Variants in DIAPH2 observed in about 807,000 individuals in gnomAD.
DIAPH2 encodes protein diaphanous homolog 2.
Under a neutral mutation model 92.7 loss-of-function variants are expected in DIAPH2, and 35 were observed. That is an observed-to-expected ratio of 0.38 (90% CI 0.29 to 0.50). DIAPH2 has a LOEUF of 0.50. Ranked by LOEUF, DIAPH2 falls within the 20% of genes least tolerant of loss-of-function variation. The pLI is 0.94. For synonymous variants in DIAPH2, 301 were observed against 280.4 expected (o/e 1.07, Z -0.73); for missense variants, 701 against 819.5 (o/e 0.86, Z 1.77).
chrX:97,355,521 A>G (rs2069257600), intron 24 of DIAPH2, among the ~76,000 whole-genome samples: 1 of 111,465 alleles, frequency 9.0e-6, no homozygotes, highest in Non-Finnish European at 1.9e-5. Flanking sequence ...CTAGAATTTC[A>G]TCATCCAGAA....
chrX:96,712,831 A>G (rs940474951), intron 1 of DIAPH2, among the ~76,000 whole-genome samples: 18 of 110,998 alleles, frequency 1.6e-4, no homozygotes, highest in African/African-American at 5.2e-4. Context: ...AGTTCTATTT[A>G]TTTTTTTCCA....
intron 19 of DIAPH2, among the ~76,000 whole-genome samples, chrX:97,088,592 T>A (rs1164306803): frequency 8.9e-6 from 1 of 111,941 alleles, no homozygotes; most frequent in African/African-American, 3.2e-5. Context: ...TCTACAAGGC[T>A]ATATTGAATG....
At chrX:97,095,098 C>CTTTTTTTTTTTTTTTTTTTTTT (rs61350837) in intron 19 of DIAPH2, among the ~76,000 whole-genome samples, 2 of 22,406 alleles carry the variant, frequency 8.9e-5, no homozygotes, top group Non-Finnish European at 9.0e-5. Context: ...GTTTCTTTTT[C>CTTTTTTTTTTTTTTTTTTTTTT]TTTTTTTTTT....
chrX:97,380,307 T>C (rs1327750377), intron 24 of DIAPH2, among the ~76,000 whole-genome samples: 2 of 111,697 alleles, frequency 1.8e-5, no homozygotes, highest in East Asian at 5.6e-4. Flanking sequence ...AACACTGTCC[T>C]GTACAATGAC....
intron 10 of DIAPH2, among the ~76,000 whole-genome samples, chrX:96,935,889 G>A (rs1282847396): frequency 8.9e-6 from 1 of 111,769 alleles, no homozygotes; most frequent in African/African-American, 3.2e-5. Context: ...GTGGTGACAA[G>A]AATAAGACAT....
In DIAPH2 at chrX:97,570,122, AT is replaced by A. The variant is rs1569426249; in HGVS notation, c.3242-29129del. Among the ~76,000 whole-genome samples, 177 of 21,248 alleles carry A rather than the reference AT, an allele frequency of 8.3e-3. 5 individuals are homozygous for A. The highest frequency in any genetic ancestry group is 8.4e-3 in the Non-Finnish European group (95 of 11,366). The allele number at this position is 21,248 out of a possible 115,157, so 18.5% of individuals were successfully genotyped here. ...TATATATATATATATATATATATAT[AT>A]TAGAAGATAGATAGATAGATAGATA... On this transcript the variant is annotated intron_variant, in intron 26 of 26. Coordinates refer to ENST00000324765, the MANE Select transcript of DIAPH2 (RefSeq NM_006729.5).
chrX:96,846,252 A>G (rs947427206), intron 4 of DIAPH2, among the ~76,000 whole-genome samples: 15 of 109,543 alleles, frequency 1.4e-4, no homozygotes, highest in Non-Finnish European at 1.9e-4. Context: ...GGTTCAAACA[A>G]TTCTCCTGCC....
At chrX:97,487,068 A>G (rs908561111) in intron 26 of DIAPH2, among the ~76,000 whole-genome samples, 1 of 112,102 alleles carries the variant, frequency 8.9e-6, no homozygotes, top group Non-Finnish European at 1.9e-5. Flanking sequence ...CTCCAGGTTC[A>G]ACCATGTTGT....
At chrX:97,253,166 T>TA (rs1202913493) in intron 23 of DIAPH2, among the ~76,000 whole-genome samples, 3 of 109,359 alleles carry the variant, frequency 2.7e-5, no homozygotes, top group Non-Finnish European at 5.7e-5. Context: ...CACAAGCCTA[T>TA]AATCCCAGCT....
At chrX:97,025,583 C>T (rs763881016) in intron 17 of DIAPH2, among the ~76,000 whole-genome samples, 81 of 109,995 alleles carry the variant, frequency 7.4e-4, no homozygotes, top group South Asian at 2.8e-3. Context: ...ACCCGGGAGG[C>T]GGAGCTTGCA....
chrX:97,267,122 A>T (rs957911399), intron 23 of DIAPH2, among the ~76,000 whole-genome samples: 1 of 111,935 alleles, frequency 8.9e-6, no homozygotes, highest in African/African-American at 3.2e-5. Context: ...CTTACACAGG[A>T]TGCTGCCACT....
At chrX:96,999,665 T>C (rs1422113472) in intron 17 of DIAPH2, among the ~76,000 whole-genome samples, 1 of 110,910 alleles carries the variant, frequency 9.0e-6, no homozygotes, top group African/African-American at 3.3e-5. Context: ...GTACAAAATG[T>C]TGGTACATGT....
intron 22 of DIAPH2, among the ~76,000 whole-genome samples, chrX:97,188,420 A>G: frequency 8.9e-6 from 1 of 111,999 alleles, no homozygotes. Context: ...GCAGTAGTGG[A>G]GGAAGCAGAA....
chrX:97,545,522 GAAAA>G (rs533114886), intron 26 of DIAPH2, among the ~76,000 whole-genome samples: 4 of 67,003 alleles, frequency 6.0e-5, no homozygotes, highest in East Asian at 4.7e-4. Flanking sequence ...TAAGTTTGAT[GAAAA>G]AAAAAAAATA....
chrX:96,776,534 CTT>C (rs1386928832), intron 4 of DIAPH2, among the ~76,000 whole-genome samples: 2 of 109,037 alleles, frequency 1.8e-5, no homozygotes, highest in African/African-American at 3.3e-5. Context: ...CATTTGAACT[CTT>C]TTCTCCAGGT....
chrX:96,708,766 T>C (rs2063901506), intron 1 of DIAPH2, among the ~76,000 whole-genome samples: 1 of 112,816 alleles, frequency 8.9e-6, no homozygotes, highest in Non-Finnish European at 1.9e-5. Flanking sequence ...CAGTAGAATG[T>C]TCTGGGGAGG....
intron 26 of DIAPH2, among the ~76,000 whole-genome samples, chrX:97,558,965 T>G (rs957488844): frequency 2.7e-5 from 3 of 111,875 alleles, no homozygotes; most frequent in African/African-American, 9.8e-5. Flanking sequence ...ATTGTACATC[T>G]CTCATCATGC....
intron 17 of DIAPH2, among the ~76,000 whole-genome samples, chrX:96,979,948 G>T (rs1319265366): frequency 2.7e-5 from 3 of 111,359 alleles, no homozygotes; most frequent in African/African-American, 9.8e-5. Flanking sequence ...CTGAGTTGGT[G>T]CAGGAGCCAG....
chrX:97,596,089 C>G (rs1175491315), intron 26 of DIAPH2, among the ~76,000 whole-genome samples: 1 of 112,089 alleles, frequency 8.9e-6, no homozygotes, highest in Non-Finnish European at 1.9e-5. Flanking sequence ...ATAGCCGGCT[C>G]TGGTAGATTT....
Sources: gnomAD v4.1 joint callset for allele counts (sites outside exome capture counted in the v4.1 genomes callset) on GRCh38, gnomAD v4.1.1 for gene constraint, MANE v1.5 for transcripts, NCBI Gene and HGNC (gene_info 2026-07-23, HGNC 2026-07-21) for gene names.